ABCC5: variants seen among roughly 807,000 people sequenced by gnomAD.
ABCC5 encodes the protein ATP binding cassette subfamily C member 5, also known as ATP-binding cassette sub-family C member 5.
In ABCC5, 61 loss-of-function variants were observed where a neutral mutation model predicts 160.9. That is an observed-to-expected ratio of 0.38 (90% CI 0.31 to 0.47). The LOEUF is 0.47. Among genes scored for constraint, ABCC5 ranks in the 20% least tolerant of loss-of-function variants. The pLI is 0.99. For missense variants in ABCC5, 1,308 were observed against 1,813.3 expected, an observed-to-expected ratio of 0.72 and a Z score of 5.06; for synonymous variants, 666 against 700.6, an observed-to-expected ratio of 0.95 and a Z score of 0.78.
chr3:183,983,072 T>C (rs946196933), intron 5 of ABCC5, 65 bp from the exon 6 acceptor site: 18 of 1,438,042 alleles, frequency 1.3e-5, no homozygotes, highest in Non-Finnish European at 1.7e-5. Context: ...GCCATAGTTT[T>C]ATGTTAAGTT....
At chr3:183,962,280 A>G (rs1365744833) in intron 15 of ABCC5, among the ~76,000 whole-genome samples, 2 of 152,190 alleles carry the variant, frequency 1.3e-5, no homozygotes, top group Non-Finnish European at 2.9e-5. Context: ...ATTTTTTTCA[A>G]TACTATGCTG....
Position 183,921,284 on chromosome 3 carries a change from C to T in ABCC5, c.*16G>A, listed in dbSNP as rs529958391. 4.9e-6 allele frequency: 7 copies of T among 1,441,654 alleles called. No individual in the cohort carries two copies. The highest frequency in any genetic ancestry group is 3.5e-5 in the Admixed American group (2 of 56,550). The allele number at this position is 1,441,654 out of a possible 1,614,324, so 89.3% of individuals were successfully genotyped here. A position where few individuals can be genotyped will look rare whatever the true frequency, so the allele number is the denominator to read the frequency against. On this transcript the variant is annotated 3_prime_UTR_variant, in exon 30 of 30. Coordinates refer to ENST00000334444, the MANE Select transcript of ABCC5 (RefSeq NM_005688.4). The surrounding 1 kb of genome is among the most constrained non-coding windows in gnomAD (Gnocchi z 4.1). ...GCAATGCTCTAAAGAAAAGAGACTT[C>T]GTCAACAGGGAGGAGTCAGCCCTTG...
intron 26 of ABCC5, among the ~76,000 whole-genome samples, chr3:183,937,410 C>T (rs529291179): frequency 6.6e-6 from 1 of 152,042 alleles, no homozygotes; most frequent in African/African-American, 2.4e-5. Context: ...CAACTTTCAG[C>T]GCACCTAGGA....
intron 16 of ABCC5, among the ~76,000 whole-genome samples, chr3:183,960,994 G>A (rs1320109440): frequency 6.6e-6 from 1 of 152,018 alleles, no homozygotes; most frequent in Non-Finnish European, 1.5e-5. Context: ...TCTCTATGTT[G>A]CCCAAGCTGG....
At chr3:184,000,085 G>A (rs1044391990) in intron 2 of ABCC5, among the ~76,000 whole-genome samples, 1 of 151,946 alleles carries the variant, frequency 6.6e-6, no homozygotes, top group Non-Finnish European at 1.5e-5. Flanking sequence ...GTGGCTGGGC[G>A]CGGCGGCTCA....
chr3:183,989,756 A>T (rs1422083924), intron 2 of ABCC5, among the ~76,000 whole-genome samples: 1 of 152,112 alleles, frequency 6.6e-6, no homozygotes, highest in Admixed American at 6.5e-5. Context: ...GAGCCAATAC[A>T]GATTCATTAT....
intron 29 of ABCC5, among the ~76,000 whole-genome samples, chr3:183,922,908 T>G (rs1712148816): frequency 6.6e-6 from 1 of 151,830 alleles, no homozygotes. Flanking sequence ...GAGTACTGGC[T>G]GAGAGTGATA....
intron 18 of ABCC5, among the ~76,000 whole-genome samples, chr3:183,952,336 A>G (rs1203715401): frequency 2.0e-5 from 3 of 152,030 alleles, no homozygotes; most frequent in Non-Finnish European, 4.4e-5. Flanking sequence ...TAGTACAGAC[A>G]GGGTTTTGCC....
chr3:183,931,116 C>T (rs746782815), intron 26 of ABCC5, among the ~76,000 whole-genome samples: 37 of 152,160 alleles, frequency 2.4e-4, no homozygotes, highest in Non-Finnish European at 5.0e-4. Flanking sequence ...TAACAATATG[C>T]TGTAATGAAC....
chr3:183,984,055 A>G lies in ABCC5; in HGVS notation c.592-1048T>C, dbSNP rs1718980582. 2.0e-6 allele frequency: 2 copies of G among 985,328 alleles called. 1 individual carries two copies. The highest frequency in any genetic ancestry group is 9.4e-5 in the South Asian group (2 of 21,286). 61.0% of individuals were successfully genotyped at this position (985,328 alleles called of 1,614,324 possible). A position where few individuals can be genotyped will look rare whatever the true frequency, so the allele number is the denominator to read the frequency against. ...TTGCAATGATTCTGCAACGGAGTAGATTCTCTAGGAAAAAAGACCTTGCTG... is the reference window on the plus strand; with the variant it reads ...TTGCAATGATTCTGCAACGGAGTAGGTTCTCTAGGAAAAAAGACCTTGCTG... On this transcript the variant is annotated intron_variant, in intron 5 of 29. Coordinates refer to ENST00000334444, the MANE Select transcript of ABCC5 (RefSeq NM_005688.4).
At chr3:183,922,960 T>A (rs1453134643) in intron 29 of ABCC5, among the ~76,000 whole-genome samples, 4 of 152,060 alleles carry the variant, frequency 2.6e-5, no homozygotes, top group Non-Finnish European at 4.4e-5. Flanking sequence ...CCAACCCATG[T>A]GGGATAACAA....
In ABCC5 at chr3:183,987,559, C is replaced by T. The variant is rs1719334551; in HGVS notation, c.591+211G>A. ...TTCCATTTCACCCCCACCCAGAAAT[C>T]AAGCCAGTTCCATTTCTTCTCTGGC... is the stretch of plus-strand genomic sequence containing the variant. On this transcript the variant is annotated intron_variant, in intron 5 of 29. Transcript: ENST00000334444. This position sits in a 1 kb window ranked among gnomAD's most constrained non-coding sequence, Gnocchi z 4.2. 8 of 663,198 alleles carry T rather than the reference C, an allele frequency of 1.2e-5. No individual in the cohort carries two copies. The highest frequency in any genetic ancestry group is 2.4e-5 in the Admixed American group (1 of 40,998). The allele number at this position is 663,198 out of a possible 1,614,324, so 41.1% of individuals were successfully genotyped here.
intron 5 of ABCC5, chr3:183,986,020 G>A (rs1719188388): frequency 6.5e-6 from 1 of 154,020 alleles, no homozygotes; most frequent in Non-Finnish European, 1.4e-5. Flanking sequence ...TGTAAGAACA[G>A]ATTAAGCTAG....
chr3:183,952,073 C>G, intron 18 of ABCC5, 70 bp from the exon 19 acceptor site: 1 of 1,540,888 alleles, frequency 6.5e-7, no homozygotes, highest in South Asian at 1.2e-5. Context: ...CAGCGCCATT[C>G]TCAGCTCAAG....
intron 8 of ABCC5, 54 bp downstream of exon 8, chr3:183,981,673 C>T: frequency 1.3e-6 from 2 of 1,587,606 alleles, no homozygotes; most frequent in African/African-American, 1.4e-5. Context: ...ATTATAAGAC[C>T]CAAAGAATCC....
At chr3:183,979,808 G>A (rs886991353) in intron 8 of ABCC5, among the ~76,000 whole-genome samples, 1 of 151,850 alleles carries the variant, frequency 6.6e-6, no homozygotes, top group Non-Finnish European at 1.5e-5. Flanking sequence ...TGAACTCCTG[G>A]GCTCTAGTGA....
Position 184,014,323 on chromosome 3 carries a change from T to TTC in ABCC5, c.68_69dup (p.Thr24GlufsTer63). 1 of 1,614,068 alleles carries TTC rather than the reference T, an allele frequency of 6.2e-7. No homozygotes were observed. The highest frequency in any genetic ancestry group is 8.5e-7 in the Non-Finnish European group (1 of 1,179,956). On this transcript the variant is annotated frameshift_variant, in exon 2 of 30. Transcript: ENST00000334444. LOFTEE classifies it high-confidence loss of function. ...TCTCTGTGCGTCCCAGAAGTGCTGG[T>TTC]TCTCTCCCTCACACTTCTATACCCA...
chr3:184,014,307 G>A lies in ABCC5; in HGVS notation c.86C>T (p.Thr29Met), dbSNP rs867935722. The stretch of plus-strand genomic sequence containing the variant: ...CTTGGAATCTTCACGGTCTCTGTGC[G>A]TCCCAGAAGTGCTGGTTCTCTCCCT... ...SVRERTSTSG[T>M]HRDREDSKFR... Residue 29 changes from threonine to methionine, a missense_variant, in exon 2 of 30, where the codon ACG becomes ATG. By Grantham distance (81) the Thr-to-Met change is moderately conservative (BLOSUM62 -1). Around this residue, in one of 3 missense-constraint regions of ABCC5, gnomAD observed 1,142 missense variants for 1,527.1 expected, o/e 0.75. Coordinates refer to ENST00000334444, the MANE Select transcript of ABCC5 (RefSeq NM_005688.4). 2.5e-5 allele frequency: 41 copies of A among 1,613,872 alleles called. No individual in the cohort carries two copies. Among genetic ancestry groups the A allele is most frequent in the Middle Eastern group, 3.3e-4 (2 of 6,082 alleles).
chr3:183,942,980 C>A, intron 24 of ABCC5, 64 bp from the exon 25 acceptor site: 1 of 1,501,928 alleles, frequency 6.7e-7, no homozygotes, highest in South Asian at 1.3e-5. Context: ...CAGGCTTTGT[C>A]ACAGAGAAAT....
Sources: allele counts gnomAD v4.1 joint callset (sites outside exome capture counted in the v4.1 genomes callset), GRCh38; gene constraint gnomAD v4.1.1; regional missense constraint gnomAD v4.1.1; non-coding constraint Gnocchi (gnomAD v3.1); transcripts MANE v1.5; gene names NCBI Gene and HGNC (gene_info 2026-07-23, HGNC 2026-07-21).